The following CALB1 variants were observed in gnomAD, a reference collection of about 807,000 sequenced individuals.
CALB1 encodes calbindin 1, also known as calbindin.
CALB1 carries 16 observed loss-of-function variants against 46.7 expected under a neutral mutation model. That is an observed-to-expected ratio of 0.34 (90% CI 0.23 to 0.52). The LOEUF (loss-of-function observed/expected upper bound fraction) is 0.52. Ranked by LOEUF, CALB1 falls within the 20% of genes least tolerant of loss-of-function variation. CALB1 has a pLI of 0.95. For synonymous variants in CALB1, 90 were observed against 112.8 expected (o/e 0.80, Z 1.28); for missense variants, 224 against 300.3 (o/e 0.75, Z 1.88).
At chr8:90,063,581 T>TA in intron 6 of CALB1, 120 bp from the exon 7 acceptor site, 1 of 757,384 alleles carries the variant, frequency 1.3e-6, no homozygotes. Context: ...AGTAAAATTT[T>TA]AAAAACTAGC....
chr8:90,082,133 G>A lies in CALB1; in HGVS notation c.80-31C>T, dbSNP rs757985005. The A allele has an allele frequency of 2.6e-6, 4 of 1,566,656 alleles. 1 individual carries two copies. Among genetic ancestry groups the A allele is most frequent in the Middle Eastern group, 3.4e-4 (2 of 5,970 alleles). On this transcript the variant is annotated intron_variant, in intron 1 of 10. Transcript: ENST00000265431. ...AAGACAAAGAGGCACCCAGGTGTCA[G>A]ATATCTCATTCCAAGTGTCTTTCCC... is the stretch of plus-strand genomic sequence containing the variant.
At chr8:90,064,275 A>G (rs1052121332) in intron 6 of CALB1, 1 of 151,762 alleles carries the variant, frequency 6.6e-6, no homozygotes, top group African/African-American at 2.4e-5. Flanking sequence ...GAGGTATTCT[A>G]AGAATCTTTT....
At chr8:90,075,076 A>G (rs1805915) in intron 3 of CALB1, among the ~76,000 whole-genome samples, 6,159 of 152,252 alleles carry the variant, frequency 0.04, 300 homozygotes, top group East Asian at 0.2. Flanking sequence ...TGTGTTAACA[A>G]TCTCGTTATT....
Position 90,069,200 on chromosome 8 carries a change from A to C in CALB1, c.269T>G (p.Leu90Arg), listed in dbSNP as rs1414065418. 1.2e-6 allele frequency: 2 copies of C among 1,614,070 alleles called. No homozygotes were observed. The highest frequency in any genetic ancestry group is 8.5e-7 in the Non-Finnish European group (1 of 1,179,950). The change falls in exon 4 of 11, where the codon CTG (leucine) becomes CGG (arginine). Residue 90 changes from leucine (L) to arginine (R), a missense_variant. Transcript: ENST00000265431. ...HVLPTEENFL[L>R]LFRCQQLKSC... ...CTTCAGCTGCTGGCATCGGAAGAGC[A>C]GCAGGAAATTCTCTTCTGTGGGTAA...
chr8:90,059,269 G>A lies in CALB1; in HGVS notation c.*904C>T, dbSNP rs1045647259. ...TAATTATGTAGTAAAAAATAGAGTT[G>A]TTATAGCTAGAAAAAAATATTTTCA... On this transcript the variant is annotated 3_prime_UTR_variant, in exon 11 of 11. Transcript: ENST00000265431. 1.3e-5 allele frequency: 2 copies of A among 152,502 alleles called. No individual in the cohort carries two copies. Among genetic ancestry groups the A allele is most frequent in the African/African-American group, 2.4e-5 (1 of 41,420 alleles). The allele number at this position is 152,502 out of a possible 1,614,324, so 9.4% of individuals were successfully genotyped here. A position where few individuals can be genotyped will look rare whatever the true frequency, so the allele number is the denominator to read the frequency against.
At chr8:90,068,493 C>T (rs1180982365) in intron 5 of CALB1, among the ~76,000 whole-genome samples, 1 of 152,110 alleles carries the variant, frequency 6.6e-6, no homozygotes, top group Non-Finnish European at 1.5e-5. Context: ...AGGCTCTGTC[C>T]GATTTCTGTG....
At chr8:90,060,810 T>C in intron 9 of CALB1, 110 bp from the exon 10 acceptor site, 1 of 904,112 alleles carries the variant, frequency 1.1e-6, no homozygotes, top group Non-Finnish European at 1.8e-6. Flanking sequence ...ACTGCATACT[T>C]GGCAGATAAT....
At chr8:90,060,437 C>T (rs1220042250) in intron 10 of CALB1, 151 bp from the exon 11 acceptor site, 4 of 713,590 alleles carry the variant, frequency 5.6e-6, no homozygotes, top group Non-Finnish European at 9.7e-6. Flanking sequence ...TGAATAATCA[C>T]AAGGTTGTTT....
chr8:90,064,827 A>G (rs1164018444), intron 6 of CALB1, among the ~76,000 whole-genome samples: 1 of 151,828 alleles, frequency 6.6e-6, no homozygotes, highest in Non-Finnish European at 1.5e-5. Context: ...GCCCCACCTT[A>G]TAATAAATAA....
intron 2 of CALB1, among the ~76,000 whole-genome samples, chr8:90,079,864 C>T (rs919262903): frequency 1.3e-5 from 2 of 151,894 alleles, no homozygotes; most frequent in Non-Finnish European, 2.9e-5. Flanking sequence ...AAAAGCCAAA[C>T]AATGTTTCCA....
At position 90,060,082 on chromosome 8, in the gene CALB1, G is replaced by T; in HGVS notation, c.*91C>A. On this transcript the variant is annotated 3_prime_UTR_variant, in exon 11 of 11. Coordinates refer to ENST00000265431, the MANE Select transcript of CALB1 (RefSeq NM_004929.4). ...TTATCTATATGCAGTTAAATTTACA[G>T]ATATAAAAGAAAATACAGCCTACTC... 1.3e-6 allele frequency: 1 copy of T among 760,116 alleles called. No individual in the cohort carries two copies. Among genetic ancestry groups the T allele is most frequent in the Admixed American group, 1.9e-5 (1 of 52,128 alleles). 47.1% of individuals were successfully genotyped at this position (760,116 alleles called of 1,614,324 possible).
intron 6 of CALB1, among the ~76,000 whole-genome samples, chr8:90,065,563 GT>G (rs1022568959): frequency 4.0e-5 from 6 of 151,666 alleles, no homozygotes; most frequent in Admixed American, 3.9e-4. Context: ...TATATATATA[GT>G]GTACCTTATA....
intron 9 of CALB1, chr8:90,061,747 T>C (rs890158091): frequency 3.3e-5 from 5 of 152,090 alleles, no homozygotes; most frequent in African/African-American, 1.2e-4. Flanking sequence ...TGTTTATGAA[T>C]TGGAAGGCTT....
chr8:90,078,511 G>A, intron 2 of CALB1, 64 bp from the exon 3 acceptor site: 1 of 920,190 alleles, frequency 1.1e-6, no homozygotes. Context: ...TTGTGATGGT[G>A]TTAATAACTT....
intron 1 of CALB1, chr8:90,082,337 G>A (rs1012264772): frequency 1.3e-5 from 8 of 600,208 alleles, no homozygotes; most frequent in Non-Finnish European, 2.1e-5. Flanking sequence ...CAGAAACTTT[G>A]GGGGGGCAGC....
chr8:90,060,923 GAACT>G (rs1814286162), intron 9 of CALB1: 2 of 523,420 alleles, frequency 3.8e-6, no homozygotes, highest in Non-Finnish European at 6.8e-6. Context: ...AAAAGATCTT[GAACT>G]TTTCAAAGTA....
At chr8:90,067,209 C>T (rs1375839975) in intron 5 of CALB1, among the ~76,000 whole-genome samples, 1 of 151,956 alleles carries the variant, frequency 6.6e-6, no homozygotes, top group Non-Finnish European at 1.5e-5. Context: ...GATTCAAAGT[C>T]GTGTCTGAGA....
chr8:90,082,451 A>G, intron 1 of CALB1, 168 bp downstream of exon 1: 2 of 653,904 alleles, frequency 3.1e-6, no homozygotes, highest in Non-Finnish European at 5.5e-6. Context: ...TTTCAGGTTG[A>G]CAGTTTGGCG....
intron 2 of CALB1, among the ~76,000 whole-genome samples, chr8:90,081,691 A>G (rs1586186542): frequency 6.6e-6 from 1 of 152,028 alleles, no homozygotes; most frequent in South Asian, 2.1e-4. Context: ...AGTATAGAAT[A>G]TATATATATT....
Sources: allele counts gnomAD v4.1 joint callset (sites outside exome capture counted in the v4.1 genomes callset), GRCh38; gene constraint gnomAD v4.1.1; transcripts MANE v1.5; gene names NCBI Gene and HGNC (gene_info 2026-07-23, HGNC 2026-07-21).